Variants in EXOSC4 observed in about 807,000 individuals in gnomAD.
EXOSC4 encodes exosome component 4, also known as exosome complex component RRP41.
Under a neutral mutation model 20.0 loss-of-function variants are expected in EXOSC4, and 14 were observed. That is an observed-to-expected ratio of 0.70 (90% CI 0.46 to 1.09). The LOEUF (loss-of-function observed/expected upper bound fraction) is 1.09, where lower values mean the gene tolerates loss of function less well. EXOSC4 is among the 50% of genes least tolerant of loss of function. The pLI, the probability that EXOSC4 is intolerant of heterozygous loss-of-function variation, is 0.00. For synonymous variants in EXOSC4, 148 were observed against 146.4 expected, an observed-to-expected ratio of 1.01 and a Z score of -0.08; for missense variants, 337 against 334.0, an observed-to-expected ratio of 1.01 and a Z score of -0.07.
At chr8:144,074,854 C>T (rs1835822556), upstream of EXOSC4, among the ~76,000 whole-genome samples, 1 of 151,960 alleles carries the variant, frequency 6.6e-6, no homozygotes, top group Non-Finnish European at 1.5e-5. Context: ...ATTACAGGCA[C>T]GAGCTACCTC....
chr8:144,065,816 T>C, the EXOSC4 span, among the ~76,000 whole-genome samples: 1 of 150,560 alleles, frequency 6.6e-6, no homozygotes. Context: ...TATTTACTTT[T>C]TTTTTTTTTT....
At position 144,079,563 on chromosome 8, in the gene EXOSC4, A is replaced by G. The variant is rs1246171333; in HGVS notation, c.172-380A>G. On this transcript the variant is annotated intron_variant, in intron 1 of 2. Transcript: ENST00000316052. ...GGGAAAGAGGGGATAACTCCAAATC[A>G]GGTTGAGGGTTCCCGGGGAGGTGAG... The G allele has an allele frequency of 2.7e-5, 10 of 374,606 alleles. No homozygotes were observed. The East Asian group carries it at 6.9e-4, about 26-fold the overall frequency. The allele number at this position is 374,606 out of a possible 1,614,324, so 23.2% of individuals were successfully genotyped here. A position where few individuals can be genotyped will look rare whatever the true frequency, so the allele number is the denominator to read the frequency against.
At chr8:144,071,105 C>T in the EXOSC4 span, among the ~76,000 whole-genome samples, 1 of 151,786 alleles carries the variant, frequency 6.6e-6, no homozygotes, top group East Asian at 1.9e-4. Flanking sequence ...CAAGGGCCAT[C>T]GGCCAATCCT....
chr8:144,078,499 A>T (rs1343957366), upstream of EXOSC4: 5 of 391,754 alleles, frequency 1.3e-5, no homozygotes, highest in Non-Finnish European at 2.2e-5. This position sits in a 1 kb window ranked among gnomAD's most constrained non-coding sequence, Gnocchi z 4.7. Flanking sequence ...AGATCCGGGG[A>T]GGTCGGGGCC....
chr8:144,079,065 G>T, intron 1 of EXOSC4, 166 bp downstream of exon 1: 1 of 763,778 alleles, frequency 1.3e-6, no homozygotes, highest in Non-Finnish European at 1.9e-6. Context: ...TCCTTAGTGT[G>T]CTGCGCGGTG....
At chr8:144,078,571 AC>A (rs1835860021), upstream of EXOSC4, 1 of 742,514 alleles carries the variant, frequency 1.3e-6, no homozygotes, top group African/African-American at 1.8e-5. This position sits in a 1 kb window ranked among gnomAD's most constrained non-coding sequence, Gnocchi z 4.7. Flanking sequence ...CCGCAGATCC[AC>A]GGAGGTCAGG....
the EXOSC4 span, among the ~76,000 whole-genome samples, chr8:144,072,520 C>G: frequency 6.6e-6 from 1 of 152,032 alleles, no homozygotes; most frequent in Non-Finnish European, 1.5e-5. Flanking sequence ...GTTTACCTAC[C>G]CATTAACCAA....
rs564119007 is a variant in EXOSC4 at position 144,080,636 on chromosome 8, C to G, written c.*35C>G. ...CACCCATGTCCAGAATAAAACCCTC[C>G]TCTGCCCACACACCCCTCACTGTAC... On this transcript the variant is annotated 3_prime_UTR_variant, in exon 3 of 3. Transcript: ENST00000316052. The surrounding 1 kb of genome is among the most constrained non-coding windows in gnomAD (Gnocchi z 4.9). 5.1e-5 allele frequency: 81 copies of G among 1,581,220 alleles called. 1 individual carries two copies. In the South Asian group the frequency reaches 8.8e-4, roughly 17 times the overall value.
the EXOSC4 span, among the ~76,000 whole-genome samples, chr8:144,072,739 T>C: frequency 6.6e-6 from 1 of 152,270 alleles, no homozygotes. Context: ...ATTCTTTTTG[T>C]GGCTGAAAGG....
chr8:144,077,245 A>AAAAAC (rs1182487066), upstream of EXOSC4, among the ~76,000 whole-genome samples: 1 of 152,180 alleles, frequency 6.6e-6, no homozygotes, highest in Admixed American at 6.5e-5. Context: ...CTCCATCTCA[A>AAAAAC]AAAACAAAAC....
chr8:144,080,425 G>A lies in EXOSC4; in HGVS notation c.562G>A (p.Ala188Thr). The A allele has an allele frequency of 6.2e-7, 1 of 1,610,526 alleles. No homozygotes were observed. Among genetic ancestry groups the A allele is most frequent in the Non-Finnish European group, 8.5e-7 (1 of 1,179,988 alleles). Residue 188 changes from alanine (A) to threonine (T), a missense_variant, in exon 3 of 3, where the codon GCC (alanine) becomes ACC (threonine). Coordinates refer to ENST00000316052, the MANE Select transcript of EXOSC4 (RefSeq NM_019037.3). The surrounding 1 kb of genome is among the most constrained non-coding windows in gnomAD (Gnocchi z 4.9). ...AGCTGGTGGCCCCCAGCTGGCCCTGGCCCTGCTGCCAGCCTCAGGACAGAT... is the reference window on the plus strand; with the variant it reads ...AGCTGGTGGCCCCCAGCTGGCCCTGACCCTGCTGCCAGCCTCAGGACAGAT... The part of the protein sequence containing the change: ...EAAGGPQLAL[A>T]LLPASGQIAL...
chr8:144,077,675 CAGG>C (rs1554762908), upstream of EXOSC4, among the ~76,000 whole-genome samples: 1 of 152,230 alleles, frequency 6.6e-6, no homozygotes, highest in Non-Finnish European at 1.5e-5. Flanking sequence ...CAGAGTGTGG[CAGG>C]AGGGACACTA....
chr8:144,065,885 C>T, the EXOSC4 span, among the ~76,000 whole-genome samples: 166 of 146,272 alleles, frequency 1.1e-3, 1 homozygote, highest in African/African-American at 3.3e-3. Context: ...CATAGCTCAT[C>T]GAAGCCTTGA....
chr8:144,068,207 C>G, the EXOSC4 span, among the ~76,000 whole-genome samples: 1 of 152,152 alleles, frequency 6.6e-6, no homozygotes, highest in African/African-American at 2.4e-5. Context: ...CCTCTTATAG[C>G]TCATTGAATA....
the EXOSC4 span, among the ~76,000 whole-genome samples, chr8:144,072,749 G>C: frequency 6.6e-6 from 1 of 152,322 alleles, no homozygotes; most frequent in African/African-American, 2.4e-5. Context: ...TGGCTGAAAG[G>C]TATTCTATTG....
upstream of EXOSC4, among the ~76,000 whole-genome samples, chr8:144,074,040 G>A (rs955422071): frequency 3.3e-5 from 5 of 152,120 alleles, no homozygotes; most frequent in Admixed American, 1.3e-4. Flanking sequence ...GCTGGGATAC[G>A]GCCTGTGCTG....
chr8:144,076,265 GC>G (rs1835834804), upstream of EXOSC4, among the ~76,000 whole-genome samples: 1 of 152,108 alleles, frequency 6.6e-6, no homozygotes, highest in Non-Finnish European at 1.5e-5. Flanking sequence ...GCCAGCTCAC[GC>G]CTGATTTCCT....
chr8:144,064,910 G>A, the EXOSC4 span, among the ~76,000 whole-genome samples: 4 of 146,122 alleles, frequency 2.7e-5, no homozygotes, highest in African/African-American at 1.0e-4. Flanking sequence ...GGCGCCATCT[G>A]GGCTCACTGC....
upstream of EXOSC4, chr8:144,078,438 G>A (rs1835857713): frequency 3.5e-6 from 1 of 285,420 alleles, no homozygotes; most frequent in Non-Finnish European, 6.5e-6. This position sits in a 1 kb window ranked among gnomAD's most constrained non-coding sequence, Gnocchi z 4.7. Flanking sequence ...CCCCGATAGC[G>A]CCGCCGCAGT....
Sources: allele counts gnomAD v4.1 joint callset (sites outside exome capture counted in the v4.1 genomes callset), GRCh38; gene constraint gnomAD v4.1.1; non-coding constraint Gnocchi (gnomAD v3.1); transcripts MANE v1.5; gene names NCBI Gene and HGNC (gene_info 2026-07-23, HGNC 2026-07-21).